Variants in AGBL4 observed in about 807,000 individuals in gnomAD.
The protein encoded by AGBL4 is cytosolic carboxypeptidase 6.
A neutral mutation model predicts 66.4 loss-of-function variants in AGBL4; 58 were observed. That is an observed-to-expected ratio of 0.87 (90% CI 0.71 to 1.09). The LOEUF (loss-of-function observed/expected upper bound fraction) is 1.09. Ranked by LOEUF, AGBL4 falls within the 50% of genes least tolerant of loss-of-function variation. AGBL4 has a pLI of 0.00. For missense variants in AGBL4, 579 were observed against 631.0 expected (o/e 0.92, Z 0.88); for synonymous variants, 234 against 222.9 (o/e 1.05, Z -0.44).
chr1:49,192,316 G>A (rs1050999087), intron 4 of AGBL4, among the ~76,000 whole-genome samples: 9 of 151,108 alleles, frequency 6.0e-5, no homozygotes, highest in Admixed American at 1.3e-4. Context: ...TATTTATTTC[G>A]AGATGGAGTT....
chr1:48,976,859 CTCTT>C (rs1659380990), intron 5 of AGBL4, among the ~76,000 whole-genome samples: 1 of 152,206 alleles, frequency 6.6e-6, no homozygotes, highest in East Asian at 1.9e-4. Flanking sequence ...AGTTGCAACA[CTCTT>C]TCCAGATTTT....
At chr1:49,833,115 T>C (rs1339352562) in intron 2 of AGBL4, among the ~76,000 whole-genome samples, 8 of 152,234 alleles carry the variant, frequency 5.3e-5, no homozygotes, top group Non-Finnish European at 2.9e-5. Context: ...TCTAGGGTTT[T>C]TATGGTTTTA....
chr1:49,829,655 T>A (rs917830282), intron 2 of AGBL4, among the ~76,000 whole-genome samples: 5 of 152,122 alleles, frequency 3.3e-5, no homozygotes, highest in Admixed American at 2.0e-4. Flanking sequence ...CCGGAAAACA[T>A]GTGCGGAACG....
intron 3 of AGBL4, among the ~76,000 whole-genome samples, chr1:49,674,338 T>C (rs1646538834): frequency 6.6e-6 from 1 of 151,864 alleles, no homozygotes; most frequent in African/African-American, 2.4e-5. Context: ...AAACCTCTAC[T>C]TTAAAGGGCC....
chr1:48,590,319 T>A (rs1644893265), intron 10 of AGBL4, among the ~76,000 whole-genome samples: 1 of 150,060 alleles, frequency 6.7e-6, no homozygotes, highest in Non-Finnish European at 1.5e-5. Flanking sequence ...GGCAGGAGAA[T>A]CGCTTGAACC....
At chr1:49,375,284 C>T (rs1644449205) in intron 3 of AGBL4, among the ~76,000 whole-genome samples, 1 of 152,092 alleles carries the variant, frequency 6.6e-6, no homozygotes. Context: ...ATACATGGCT[C>T]ATTGTGTCTT....
intron 5 of AGBL4, among the ~76,000 whole-genome samples, chr1:48,929,052 C>T (rs1358311907): frequency 6.6e-6 from 1 of 152,206 alleles, no homozygotes; most frequent in East Asian, 1.9e-4. Flanking sequence ...TACCTGCCTA[C>T]ATTCACCAAT....
Position 49,851,657 on chromosome 1 carries a change from G to A in AGBL4, c.35-139C>T, listed in dbSNP as rs573627026. The A allele has an allele frequency of 6.4e-5, 49 of 765,824 alleles. No individual in the cohort carries two copies. The East Asian group carries it at 1.5e-3, about 23-fold the overall frequency. 47.4% of individuals were successfully genotyped at this position (765,824 alleles called of 1,614,324 possible). ...GAAGTTAACACCACATTGTGGTACAGTGAAAAAAGGCTACATTTTGAAACA... is the reference window on the plus strand; with the variant it reads ...GAAGTTAACACCACATTGTGGTACAATGAAAAAAGGCTACATTTTGAAACA... On this transcript the variant is annotated intron_variant, in intron 1 of 13. Coordinates refer to ENST00000371839, the MANE Select transcript of AGBL4 (RefSeq NM_032785.4).
intron 4 of AGBL4, among the ~76,000 whole-genome samples, chr1:49,204,264 A>T (rs983471133): frequency 1.3e-5 from 2 of 151,996 alleles, no homozygotes; most frequent in African/African-American, 4.8e-5. Context: ...GAAACTATTT[A>T]TCTATTTTTT....
At chr1:49,822,115 T>C (rs980632571) in intron 2 of AGBL4, among the ~76,000 whole-genome samples, 1 of 152,152 alleles carries the variant, frequency 6.6e-6, no homozygotes, top group Admixed American at 6.5e-5. Context: ...GAAAATTCTG[T>C]GTAATATTTT....
intron 3 of AGBL4, among the ~76,000 whole-genome samples, chr1:49,484,151 A>C (rs1647014099): frequency 6.6e-6 from 1 of 152,074 alleles, no homozygotes; most frequent in Admixed American, 6.6e-5. Flanking sequence ...TGTTTGTGGG[A>C]ATGTAAATTA....
chr1:48,726,426 T>A (rs1490811492), intron 6 of AGBL4, among the ~76,000 whole-genome samples: 1 of 152,216 alleles, frequency 6.6e-6, no homozygotes, highest in Non-Finnish European at 1.5e-5. Context: ...ACATATCTTA[T>A]CAAATATTTA....
chr1:49,874,650 T>C (rs1031501385), intron 1 of AGBL4, among the ~76,000 whole-genome samples: 1 of 152,142 alleles, frequency 6.6e-6, no homozygotes, highest in Non-Finnish European at 1.5e-5. Context: ...TTAATCATCT[T>C]AGTTGCTCAA....
chr1:49,188,542 T>C (rs979646828), intron 4 of AGBL4, among the ~76,000 whole-genome samples: 1 of 152,170 alleles, frequency 6.6e-6, no homozygotes, highest in Non-Finnish European at 1.5e-5. Context: ...AATTATTACA[T>C]GTCCTTTGAG....
chr1:49,470,763 A>G (rs1437304903), intron 3 of AGBL4, among the ~76,000 whole-genome samples: 1 of 152,058 alleles, frequency 6.6e-6, no homozygotes, highest in Non-Finnish European at 1.5e-5. Context: ...TAATTTGCAT[A>G]CAATTGAAGT....
At chr1:48,877,847 C>T (rs72891889) in intron 5 of AGBL4, among the ~76,000 whole-genome samples, 1,772 of 152,160 alleles carry the variant, frequency 0.012, 31 homozygotes, top group African/African-American at 0.04. Flanking sequence ...ATAAGATGCC[C>T]CAGCTCTGGG....
chr1:49,824,204 GT>G (rs1645447337), intron 2 of AGBL4, among the ~76,000 whole-genome samples: 1 of 151,998 alleles, frequency 6.6e-6, no homozygotes, highest in Non-Finnish European at 1.5e-5. Flanking sequence ...GCAAAACTCC[GT>G]CTCAAAAACA....
At chr1:49,020,738 C>T (rs1265625519) in intron 5 of AGBL4, among the ~76,000 whole-genome samples, 1 of 152,166 alleles carries the variant, frequency 6.6e-6, no homozygotes, top group Non-Finnish European at 1.5e-5. Context: ...AGAACCTGGA[C>T]AGTTTTCTCA....
At chr1:49,861,394 G>A (rs1454023612) in intron 1 of AGBL4, among the ~76,000 whole-genome samples, 2 of 151,894 alleles carry the variant, frequency 1.3e-5, no homozygotes, top group Non-Finnish European at 1.5e-5. Context: ...AAAGAGGAAA[G>A]AAAAGAGTAG....
Sources: allele counts gnomAD v4.1 joint callset (sites outside exome capture counted in the v4.1 genomes callset), GRCh38; gene constraint gnomAD v4.1.1; transcripts MANE v1.5; gene names NCBI Gene and HGNC (gene_info 2026-07-23, HGNC 2026-07-21).